Variants in BEND7 observed in about 807,000 individuals in gnomAD.
BEND7 encodes BEN domain-containing protein 7.
Under a neutral mutation model 50.9 loss-of-function variants are expected in BEND7, and 28 were observed. The observed-to-expected ratio is 0.55, with a 90% CI of 0.41 to 0.75. The LOEUF is 0.75. Among genes scored for constraint, BEND7 ranks in the 30% least tolerant of loss-of-function variants. The probability of loss-of-function intolerance (pLI) is 0.00; values close to 1 mark genes in which losing one functional copy is unlikely to be tolerated. For synonymous variants in BEND7, 170 were observed against 183.9 expected (o/e 0.92, Z 0.61); for missense variants, 477 against 491.3 (o/e 0.97, Z 0.28).
intron 2 of BEND7, among the ~76,000 whole-genome samples, chr10:13,522,313 T>TAAA (rs2079136247): frequency 6.6e-6 from 1 of 152,230 alleles, no homozygotes; most frequent in Non-Finnish European, 1.5e-5. Context: ...AGTGCCCTGC[T>TAAA]AGCAGCTAAG....
At chr10:13,507,815 A>G (rs1421831757) in intron 2 of BEND7, among the ~76,000 whole-genome samples, 1 of 152,226 alleles carries the variant, frequency 6.6e-6, no homozygotes, top group Non-Finnish European at 1.5e-5. Flanking sequence ...TGGTTGCACA[A>G]CACTGTGAAC....
chr10:13,494,401 G>A (rs1332331735), intron 4 of BEND7, among the ~76,000 whole-genome samples: 1 of 152,212 alleles, frequency 6.6e-6, no homozygotes. Flanking sequence ...TGGCGACAGA[G>A]TGAGACTATG....
chr10:13,528,420 G>T, intron 1 of BEND7, 53 bp downstream of exon 1: 1 of 905,848 alleles, frequency 1.1e-6, no homozygotes, highest in Non-Finnish European at 1.3e-6. Context: ...CCCCGCGGGC[G>T]GCCGAGGGCG....
intron 6 of BEND7, among the ~76,000 whole-genome samples, chr10:13,456,547 T>G (rs1301105062): frequency 1.3e-5 from 2 of 151,956 alleles, no homozygotes; most frequent in African/African-American, 4.8e-5. Flanking sequence ...AAAGGAGAAT[T>G]AATGACTGGG....
chr10:13,461,276 C>A (rs1456051480), intron 6 of BEND7, among the ~76,000 whole-genome samples: 1 of 152,130 alleles, frequency 6.6e-6, no homozygotes, highest in East Asian at 1.9e-4. Flanking sequence ...GGTTTCTACA[C>A]CCACAGGGCA....
At chr10:13,522,048 A>G (rs2079112305) in intron 2 of BEND7, among the ~76,000 whole-genome samples, 1 of 152,208 alleles carries the variant, frequency 6.6e-6, no homozygotes, top group Non-Finnish European at 1.5e-5. Context: ...TGCTTCATCT[A>G]TGGGAAGCTG....
chr10:13,487,107 A>G (rs2076274400), intron 5 of BEND7, among the ~76,000 whole-genome samples: 1 of 152,214 alleles, frequency 6.6e-6, no homozygotes, highest in African/African-American at 2.4e-5. Context: ...ATGCCCTGGA[A>G]AACAGCAATA....
At chr10:13,487,164 A>C (rs1372919316) in intron 5 of BEND7, among the ~76,000 whole-genome samples, 2 of 152,350 alleles carry the variant, frequency 1.3e-5, no homozygotes, top group East Asian at 3.9e-4. Flanking sequence ...CCCTAGGCTA[A>C]CACATATCAT....
intron 2 of BEND7, among the ~76,000 whole-genome samples, chr10:13,522,890 G>A (rs774114382): frequency 5.3e-5 from 8 of 152,168 alleles, no homozygotes; most frequent in Non-Finnish European, 8.8e-5. Context: ...TGGGGATGAC[G>A]GTAACTCATA....
intron 6 of BEND7, among the ~76,000 whole-genome samples, chr10:13,478,281 A>G (rs1336265584): frequency 6.6e-6 from 1 of 152,186 alleles, no homozygotes; most frequent in Non-Finnish European, 1.5e-5. Flanking sequence ...TTCCCTTTGG[A>G]GGATCAGTCT....
chr10:13,492,047 T>C (rs1233456212), intron 5 of BEND7, among the ~76,000 whole-genome samples: 2 of 151,840 alleles, frequency 1.3e-5, no homozygotes, highest in Non-Finnish European at 2.9e-5. Flanking sequence ...TCATCCAACA[T>C]TCTGGACTGC....
At chr10:13,440,309 G>A (rs1051002273), downstream of BEND7, among the ~76,000 whole-genome samples, 2 of 152,216 alleles carry the variant, frequency 1.3e-5, no homozygotes, top group Admixed American at 6.5e-5. Context: ...AGGAAGCTGG[G>A]GGCATCAGGG....
chr10:13,492,646 CT>C lies in BEND7; in HGVS notation c.801del (p.Gly268AspfsTer78). On this transcript the variant is annotated frameshift_variant, in exon 5 of 9. Coordinates refer to ENST00000466271, the MANE Select transcript of BEND7 (RefSeq NM_001369863.1). LOFTEE classifies it high-confidence loss of function. ...EHTSPEESRV[L>X]GFGIVLESPS... ...GGTGATTCCAGAACAATGCCGAATCCTAGAACGCGGCTCTCCTCCGGGGAGG... is the reference window on the plus strand; with the variant it reads ...GGTGATTCCAGAACAATGCCGAATCCAGAACGCGGCTCTCCTCCGGGGAGG... 2.5e-6 allele frequency: 4 copies of C among 1,614,092 alleles called. No homozygotes were observed. The highest frequency in any genetic ancestry group is 3.4e-6 in the Non-Finnish European group (4 of 1,180,022).
intron 2 of BEND7, among the ~76,000 whole-genome samples, chr10:13,518,561 G>C (rs1011410321): frequency 1.3e-5 from 2 of 152,222 alleles, no homozygotes; most frequent in Non-Finnish European, 2.9e-5. Flanking sequence ...ACCTGTGTTA[G>C]AGCAGAATAA....
chr10:13,492,418 G>A (rs191679372), intron 5 of BEND7, among the ~76,000 whole-genome samples, 193 bp downstream of exon 5: 7 of 152,328 alleles, frequency 4.6e-5, no homozygotes, highest in African/African-American at 1.4e-4. Flanking sequence ...CTGGAAACCT[G>A]TCTAAATAAA....
intron 7 of BEND7, among the ~76,000 whole-genome samples, chr10:13,451,320 G>A (rs1837638403): frequency 6.6e-6 from 1 of 151,020 alleles, no homozygotes; most frequent in Non-Finnish European, 1.5e-5. Context: ...TCCCAAGTAG[G>A]TGGGACAACA....
intron 2 of BEND7, among the ~76,000 whole-genome samples, chr10:13,524,048 C>A (rs1250067670): frequency 6.6e-6 from 1 of 152,196 alleles, no homozygotes; most frequent in African/African-American, 2.4e-5. Flanking sequence ...TCAACTTGGA[C>A]TAGGAAGAAG....
At chr10:13,442,275 A>C (rs1299709537) in intron 8 of BEND7, 1 of 153,150 alleles carries the variant, frequency 6.5e-6, no homozygotes, top group Non-Finnish European at 1.5e-5. Flanking sequence ...AAGGCACTGG[A>C]ACTGCTAGTG....
downstream of BEND7, chr10:13,439,616 G>A (rs2130774694): frequency 1.0e-6 from 1 of 974,294 alleles, no homozygotes; most frequent in East Asian, 2.7e-5. Context: ...CTCCTGGTTC[G>A]TCAGCCAGAA....
Sources: gnomAD v4.1 joint callset for allele counts (sites outside exome capture counted in the v4.1 genomes callset) on GRCh38, gnomAD v4.1.1 for gene constraint, MANE v1.5 for transcripts, NCBI Gene and HGNC (gene_info 2026-07-23, HGNC 2026-07-21) for gene names.